Variants in ROBO2 observed in about 807,000 individuals in gnomAD.
The protein encoded by ROBO2 is roundabout guidance receptor 2.
Under a neutral mutation model 160.8 loss-of-function variants are expected in ROBO2, and 53 were observed. The observed-to-expected ratio is 0.33, with a 90% confidence interval of 0.26 to 0.41. The LOEUF is 0.41. ROBO2 is among the 10% of genes least tolerant of loss of function. ROBO2 has a pLI of 1.00. For missense variants in ROBO2, 1,577 were observed against 1,722.4 expected (o/e 0.92, Z 1.49); for synonymous variants, 664 against 611.7 (o/e 1.09, Z -1.26).
chr3:77,127,539 G>T (rs1487470937), intron 2 of ROBO2, among the ~76,000 whole-genome samples: 1 of 151,268 alleles, frequency 6.6e-6, no homozygotes, highest in African/African-American at 2.5e-5. Context: ...TTGAAAGAAG[G>T]CTAATTCTAT....
chr3:77,006,696 G>A (rs556827774), intron 2 of ROBO2, among the ~76,000 whole-genome samples: 1 of 151,970 alleles, frequency 6.6e-6, no homozygotes, highest in Non-Finnish European at 1.5e-5. Context: ...TTAGAGAAAT[G>A]ATTTTGGAGG....
chr3:77,622,202 T>G, intron 22 of ROBO2, 25 bp from the exon 24 acceptor site: 1 of 1,608,898 alleles, frequency 6.2e-7, no homozygotes, highest in Non-Finnish European at 8.5e-7. Context: ...TTGCTTTTCT[T>G]TTTTAAATTT....
At chr3:77,537,615 C>T (rs2092207383) in intron 6 of ROBO2, among the ~76,000 whole-genome samples, 1 of 151,978 alleles carries the variant, frequency 6.6e-6, no homozygotes. Flanking sequence ...CATATATATG[C>T]TTATTGTTGA....
At chr3:75,954,563 CT>C (rs1195695623) in intron 2 of ROBO2, among the ~76,000 whole-genome samples, 4 of 151,832 alleles carry the variant, frequency 2.6e-5, no homozygotes, top group Non-Finnish European at 4.4e-5. Flanking sequence ...GTCCCCACCC[CT>C]AACTCAAAAC....
At chr3:77,006,780 C>T (rs2061601971) in intron 2 of ROBO2, among the ~76,000 whole-genome samples, 1 of 151,602 alleles carries the variant, frequency 6.6e-6, no homozygotes, top group African/African-American at 2.4e-5. Flanking sequence ...CATAAAACTG[C>T]TATAATGACA....
At chr3:76,243,787 A>G (rs974025637) in intron 2 of ROBO2, among the ~76,000 whole-genome samples, 9 of 152,198 alleles carry the variant, frequency 5.9e-5, no homozygotes, top group Non-Finnish European at 1.3e-4. Flanking sequence ...CAGTGAACAA[A>G]TATAATATTA....
chr3:77,380,808 C>T (rs9870610), intron 2 of ROBO2, among the ~76,000 whole-genome samples: 40,071 of 151,080 alleles, frequency 0.27, 5,570 homozygotes, highest in East Asian at 0.45. Context: ...TCCTTTATTT[C>T]TCTCCGCTGA....
chr3:76,841,883 G>A (rs906289068), intron 2 of ROBO2, among the ~76,000 whole-genome samples: 8 of 152,174 alleles, frequency 5.3e-5, no homozygotes, highest in African/African-American at 4.8e-5. Flanking sequence ...AGCTGATGCC[G>A]ATCAGACTCC....
intron 2 of ROBO2, among the ~76,000 whole-genome samples, chr3:76,275,736 C>T (rs1516474): frequency 0.024 from 3,718 of 152,184 alleles, 63 homozygotes; most frequent in South Asian, 0.078. Context: ...GGAGACAAAT[C>T]GGAAGAATGA....
At chr3:77,448,680 A>G (rs2080823795) in intron 2 of ROBO2, among the ~76,000 whole-genome samples, 1 of 151,998 alleles carries the variant, frequency 6.6e-6, no homozygotes, top group African/African-American at 2.4e-5. Flanking sequence ...ATCGAAATGA[A>G]GTAAGTAGAA....
intron 2 of ROBO2, among the ~76,000 whole-genome samples, chr3:76,618,546 G>C (rs535792456): frequency 1.8e-4 from 27 of 151,032 alleles, no homozygotes; most frequent in African/African-American, 6.3e-4. Context: ...TGACATTTTT[G>C]ACAACTTTAA....
intron 2 of ROBO2, among the ~76,000 whole-genome samples, chr3:76,152,591 T>C (rs1489194258): frequency 6.6e-6 from 1 of 151,748 alleles, no homozygotes; most frequent in Non-Finnish European, 1.5e-5. Context: ...TAGTATAAAA[T>C]ATTTGATTAG....
At chr3:76,861,994 G>T (rs941674577) in intron 2 of ROBO2, among the ~76,000 whole-genome samples, 3 of 151,950 alleles carry the variant, frequency 2.0e-5, no homozygotes, top group African/African-American at 7.3e-5. Flanking sequence ...CTGAAATAGA[G>T]ACCTCAAGAA....
At chr3:76,175,857 T>C (rs2073209881) in intron 2 of ROBO2, among the ~76,000 whole-genome samples, 1 of 152,164 alleles carries the variant, frequency 6.6e-6, no homozygotes, top group Admixed American at 6.6e-5. Flanking sequence ...TGGATGAATA[T>C]GCTTTCTGGG....
intron 5 of ROBO2, among the ~76,000 whole-genome samples, chr3:77,497,067 A>T (rs549856333): frequency 3.0e-4 from 46 of 152,244 alleles, no homozygotes; most frequent in African/African-American, 1.0e-3. Context: ...CAACTAGGGA[A>T]AATTATTTAT....
At chr3:76,006,873 A>G (rs1388226586) in intron 2 of ROBO2, among the ~76,000 whole-genome samples, 2 of 152,106 alleles carry the variant, frequency 1.3e-5, no homozygotes, top group African/African-American at 2.4e-5. Context: ...GAAAATAAAA[A>G]TCACATACCG....
At chr3:76,356,535 A>T in intron 2 of ROBO2, among the ~76,000 whole-genome samples, 1 of 151,760 alleles carries the variant, frequency 6.6e-6, no homozygotes, top group South Asian at 2.1e-4. Flanking sequence ...CAAGCAGAAT[A>T]TCTATTACCA....
chr3:76,697,719 A>G (rs1465851408), intron 2 of ROBO2, among the ~76,000 whole-genome samples: 1 of 152,184 alleles, frequency 6.6e-6, no homozygotes, highest in African/African-American at 2.4e-5. Flanking sequence ...ATCTGTATAA[A>G]ATTGGTAAAA....
chr3:75,995,658 C>T (rs1055484312), intron 2 of ROBO2, among the ~76,000 whole-genome samples: 3 of 151,896 alleles, frequency 2.0e-5, no homozygotes, highest in African/African-American at 7.3e-5. Context: ...TCCTCCAGAC[C>T]CCAGAATGGT....
Sources: gnomAD v4.1 joint callset for allele counts (sites outside exome capture counted in the v4.1 genomes callset) on GRCh38, gnomAD v4.1.1 for gene constraint, MANE v1.5 for transcripts, NCBI Gene and HGNC (gene_info 2026-07-23, HGNC 2026-07-21) for gene names.